Variants in RAD51B observed in about 807,000 individuals in gnomAD.
RAD51B encodes the protein RAD51 paralog B.
A neutral mutation model predicts 42.2 loss-of-function variants in RAD51B; 38 were observed. That is an observed-to-expected ratio of 0.90 (90% confidence interval 0.70 to 1.18). The LOEUF (loss-of-function observed/expected upper bound fraction) is 1.18, where lower values mean the gene tolerates loss of function less well. RAD51B is among the 50% of genes most tolerant of loss of function. The probability of loss-of-function intolerance (pLI) is 0.00; values close to 1 mark genes in which losing one functional copy is unlikely to be tolerated. For missense variants in RAD51B, 373 were observed against 400.7 expected (o/e 0.93, Z 0.59); for synonymous variants, 154 against 145.2 (o/e 1.06, Z -0.43).
intron 8 of RAD51B, among the ~76,000 whole-genome samples, chr14:68,341,382 A>C (rs1322684937): frequency 1.3e-5 from 2 of 152,218 alleles, no homozygotes; most frequent in Non-Finnish European, 2.9e-5. Context: ...CAGGGTTTTC[A>C]TAAAGTTTTG....
At chr14:67,942,003 A>G (rs1018590709) in intron 7 of RAD51B, among the ~76,000 whole-genome samples, 2 of 152,170 alleles carry the variant, frequency 1.3e-5, no homozygotes, top group African/African-American at 2.4e-5. Flanking sequence ...TTGCTTTTTT[A>G]CTTTCTGGGT....
intron 7 of RAD51B, among the ~76,000 whole-genome samples, chr14:68,200,479 A>G (rs1347419917): frequency 6.6e-6 from 1 of 152,228 alleles, no homozygotes; most frequent in African/African-American, 2.4e-5. Flanking sequence ...AAATTCTTGA[A>G]CAGAGCAAAA....
intron 4 of RAD51B, among the ~76,000 whole-genome samples, chr14:67,835,540 TAC>T (rs1158044068): frequency 1.4e-5 from 2 of 146,652 alleles, no homozygotes; most frequent in Non-Finnish European, 1.5e-5. Context: ...CATTTATATG[TAC>T]ACACGTCACA....
intron 8 of RAD51B, among the ~76,000 whole-genome samples, chr14:68,335,128 C>G (rs532293311): frequency 6.7e-6 from 1 of 150,126 alleles, no homozygotes; most frequent in African/African-American, 2.4e-5. Context: ...CAAACCACAT[C>G]TCTACTAAAA....
At chr14:67,991,166 G>A (rs1246785554) in intron 7 of RAD51B, among the ~76,000 whole-genome samples, 1 of 152,158 alleles carries the variant, frequency 6.6e-6, no homozygotes, top group Admixed American at 6.5e-5. Flanking sequence ...AGGATCCCTA[G>A]AGACACAGCC....
intron 11 of RAD51B, among the ~76,000 whole-genome samples, chr14:68,668,497 C>A (rs1468853043): frequency 6.6e-6 from 1 of 152,224 alleles, no homozygotes; most frequent in African/African-American, 2.4e-5. Flanking sequence ...GTCATGTCAG[C>A]CACTTTCAAG....
chr14:68,554,474 C>A (rs967536717), intron 10 of RAD51B, among the ~76,000 whole-genome samples: 3 of 152,158 alleles, frequency 2.0e-5, no homozygotes, highest in African/African-American at 7.2e-5. Context: ...TCCTCTCCCC[C>A]ACATGCCGAC....
At chr14:68,457,076 C>A (rs557113140) in intron 9 of RAD51B, among the ~76,000 whole-genome samples, 22 of 151,684 alleles carry the variant, frequency 1.5e-4, no homozygotes, top group Non-Finnish European at 2.5e-4. Flanking sequence ...CCACACCCAA[C>A]TAATTTTTGT....
chr14:67,877,856 G>C (rs1359788001), intron 5 of RAD51B, among the ~76,000 whole-genome samples: 3 of 151,968 alleles, frequency 2.0e-5, no homozygotes, highest in African/African-American at 7.3e-5. Context: ...GTAGAGCTGG[G>C]GTCTCACCAT....
intron 5 of RAD51B, among the ~76,000 whole-genome samples, chr14:67,873,994 C>T (rs1595044151): frequency 6.6e-6 from 1 of 150,438 alleles, no homozygotes; most frequent in East Asian, 1.9e-4. Flanking sequence ...TGCTAGATGA[C>T]GAGTTAGTGG....
chr14:68,682,733 A>C (rs1403119942), intron 11 of RAD51B, among the ~76,000 whole-genome samples: 1 of 152,078 alleles, frequency 6.6e-6, no homozygotes, highest in African/African-American at 2.4e-5. Context: ...GTTAGGAAGA[A>C]AGCAGGGACG....
intron 7 of RAD51B, among the ~76,000 whole-genome samples, chr14:67,894,981 C>T (rs1430446003): frequency 6.6e-6 from 1 of 151,976 alleles, no homozygotes; most frequent in Non-Finnish European, 1.5e-5. Context: ...TGCTATGTTG[C>T]CCAGGCTGGT....
chr14:67,970,176 A>G (rs927546149), intron 7 of RAD51B, among the ~76,000 whole-genome samples: 3 of 152,200 alleles, frequency 2.0e-5, no homozygotes, highest in Admixed American at 2.0e-4. Context: ...GTGAAATAAT[A>G]AAGATAACCA....
chr14:68,104,702 T>G lies in RAD51B; in HGVS notation c.757-187182T>G, dbSNP rs146259156. Among the ~76,000 whole-genome samples the G allele has an allele frequency of 2.7e-4, 41 of 152,280 alleles. No homozygotes were observed. The South Asian group carries it at 6.4e-3, about 24-fold the overall frequency. On this transcript the variant is annotated intron_variant, in intron 7 of 10. Transcript: ENST00000471583. Reference sequence around the variant, plus strand: ...GCTCACATACCAATTGAGTGAATATTGGCCCACATGATTCTTGTAAGTGGA... The same window carrying G: ...GCTCACATACCAATTGAGTGAATATGGGCCCACATGATTCTTGTAAGTGGA...
intron 3 of RAD51B, among the ~76,000 whole-genome samples, chr14:67,827,348 A>G (rs1411281328): frequency 6.6e-6 from 1 of 152,218 alleles, no homozygotes; most frequent in East Asian, 1.9e-4. Flanking sequence ...CACTACCTTC[A>G]GCTGCCATCT....
chr14:67,845,622 C>G (rs1426424263), intron 4 of RAD51B, among the ~76,000 whole-genome samples: 4 of 152,142 alleles, frequency 2.6e-5, no homozygotes, highest in African/African-American at 9.7e-5. Flanking sequence ...GAGCCATGAT[C>G]ATGCCACTGC....
In RAD51B at chr14:68,633,671, C is replaced by G. The variant is rs187015797; in HGVS notation, c.1037-17110C>G. ...GATGTGCTCAGAGCACAGAAAAGCC[C>G]GAAACCCAGGCCACCAGCCAGGGCG... On this transcript the variant is annotated intron_variant, in intron 10 of 11. Coordinates refer to the RAD51B transcript ENST00000488612. 2.0e-5 allele frequency among the ~76,000 whole-genome samples: 3 copies of G among 152,214 alleles called. No homozygotes were observed. The East Asian group carries it at 5.8e-4, about 29-fold the overall frequency.
chr14:68,359,686 G>C (rs1447724532), intron 8 of RAD51B, among the ~76,000 whole-genome samples: 3 of 152,192 alleles, frequency 2.0e-5, no homozygotes, highest in Non-Finnish European at 4.4e-5. Context: ...TACCTCAAAG[G>C]AATCATTTGG....
At chr14:68,542,822 C>G (rs1295475295) in intron 10 of RAD51B, among the ~76,000 whole-genome samples, 1 of 152,188 alleles carries the variant, frequency 6.6e-6, no homozygotes, top group African/African-American at 2.4e-5. Context: ...ACCCATTAGC[C>G]TTGACTTACA....
Sources: gnomAD v4.1 joint callset for allele counts (sites outside exome capture counted in the v4.1 genomes callset) on GRCh38, gnomAD v4.1.1 for gene constraint, MANE v1.5 for transcripts, NCBI Gene and HGNC (gene_info 2026-07-23, HGNC 2026-07-21) for gene names.